The following TAS2R1 variants were observed in gnomAD, a reference collection of about 807,000 sequenced individuals.
The protein encoded by TAS2R1 is taste receptor type 2 member 1.
For synonymous variants in TAS2R1, 141 were observed against 134.2 expected (o/e 1.05, Z -0.35); for missense variants, 370 against 353.4 (o/e 1.05, Z -0.38).
chr5:9,651,178 G>A (rs888532023), intron 2 of TAS2R1, among the ~76,000 whole-genome samples: 4 of 152,170 alleles, frequency 2.6e-5, no homozygotes, highest in Admixed American at 2.6e-4. Context: ...GCTCCTTTCA[G>A]ACAGATGCTC....
chr5:9,634,362 A>G (rs1271308250), upstream of TAS2R1, among the ~76,000 whole-genome samples: 2 of 152,170 alleles, frequency 1.3e-5, no homozygotes, highest in African/African-American at 2.4e-5. Flanking sequence ...CATAGTTTGA[A>G]GTCAGGTTAT....
upstream of TAS2R1, among the ~76,000 whole-genome samples, chr5:9,715,968 G>A (rs73037667): frequency 0.013 from 1,980 of 152,240 alleles, 45 homozygotes; most frequent in African/African-American, 0.045. Context: ...ATGTTATTTC[G>A]GAGCCTCCAA....
chr5:9,853,811 G>A, the TAS2R1 span, among the ~76,000 whole-genome samples: 496 of 152,222 alleles, frequency 3.3e-3, 5 homozygotes, highest in African/African-American at 0.011. Context: ...AATGACAGAG[G>A]ATCACAACAA....
chr5:9,728,510 A>G, the TAS2R1 span, among the ~76,000 whole-genome samples: 1 of 152,256 alleles, frequency 6.6e-6, no homozygotes, highest in Non-Finnish European at 1.5e-5. Context: ...AGAAAGGGTC[A>G]GGACTCATTT....
chr5:9,808,107 A>T, the TAS2R1 span, among the ~76,000 whole-genome samples: 2 of 152,156 alleles, frequency 1.3e-5, no homozygotes, highest in Non-Finnish European at 2.9e-5. Flanking sequence ...TGAAAGGACT[A>T]CTAAAGGGGA....
At position 9,708,318 on chromosome 5, in the gene TAS2R1, G is replaced by A. The variant is rs574555297; in HGVS notation, c.-242+3854C>T. Reference sequence around the variant, plus strand: ...GTAAGAATCCTTGAGGTGCTGTGCCGCAGAGCAGATTCAATTTTGTTCACT... The same window carrying A: ...GTAAGAATCCTTGAGGTGCTGTGCCACAGAGCAGATTCAATTTTGTTCACT... On this transcript the variant is annotated intron_variant, in intron 1 of 2. Transcript: ENST00000506620. Among the ~76,000 whole-genome samples the A allele has an allele frequency of 7.9e-5, 12 of 152,262 alleles. No homozygotes were observed. In the South Asian group the frequency reaches 1.0e-3, roughly 13 times the overall value.
At chr5:9,749,314 A>C in the TAS2R1 span, among the ~76,000 whole-genome samples, 2 of 152,178 alleles carry the variant, frequency 1.3e-5, no homozygotes, top group Non-Finnish European at 2.9e-5. Context: ...TGTAGACCTT[A>C]AATGCTGAGG....
chr5:9,884,470 A>G, the TAS2R1 span, among the ~76,000 whole-genome samples: 4 of 88,656 alleles, frequency 4.5e-5, no homozygotes, highest in Non-Finnish European at 7.3e-5. Flanking sequence ...TGAGACTCTG[A>G]CTTAAAAAAA....
At chr5:9,699,179 T>C (rs571490701) in intron 1 of TAS2R1, among the ~76,000 whole-genome samples, 1 of 152,346 alleles carries the variant, frequency 6.6e-6, no homozygotes, top group East Asian at 1.9e-4. Context: ...GTTCTCACAG[T>C]TGCCTGCAAA....
chr5:9,686,408 T>TTAGTC (rs1741124983), intron 1 of TAS2R1, among the ~76,000 whole-genome samples: 1 of 152,142 alleles, frequency 6.6e-6, no homozygotes, highest in Admixed American at 6.5e-5. Flanking sequence ...TCTCAGGGAG[T>TTAGTC]TAGTCACCAG....
chr5:9,832,378 C>G, the TAS2R1 span, among the ~76,000 whole-genome samples: 2 of 152,160 alleles, frequency 1.3e-5, no homozygotes, highest in African/African-American at 4.8e-5. Context: ...AGACTCATGG[C>G]TGAACATAGG....
chr5:9,677,273 G>A (rs555490741), intron 1 of TAS2R1, among the ~76,000 whole-genome samples: 1 of 152,220 alleles, frequency 6.6e-6, no homozygotes, highest in South Asian at 2.1e-4. Flanking sequence ...AGGGTGGGAG[G>A]AGGGAGAGGA....
chr5:9,794,957 T>G, the TAS2R1 span, among the ~76,000 whole-genome samples: 2 of 152,338 alleles, frequency 1.3e-5, no homozygotes, highest in Admixed American at 1.3e-4. Flanking sequence ...AAAGAATAAC[T>G]GTACATATTC....
At chr5:9,830,211 A>ATGGATG in the TAS2R1 span, among the ~76,000 whole-genome samples, 48 of 67,424 alleles carry the variant, frequency 7.1e-4, no homozygotes, top group Admixed American at 5.2e-3. Context: ...ATGGATGGAT[A>ATGGATG]GACAGATAGA....
the TAS2R1 span, among the ~76,000 whole-genome samples, chr5:9,753,071 G>A: frequency 3.3e-5 from 5 of 152,120 alleles, no homozygotes; most frequent in African/African-American, 7.2e-5. Flanking sequence ...CCCAGTAATG[G>A]GATGGCTGGG....
At chr5:9,814,999 G>T in the TAS2R1 span, among the ~76,000 whole-genome samples, 2 of 152,182 alleles carry the variant, frequency 1.3e-5, no homozygotes, top group African/African-American at 2.4e-5. Flanking sequence ...TTCACATGGC[G>T]TGTCGGAGAA....
At chr5:9,643,730 A>G (rs1740130920) in intron 2 of TAS2R1, among the ~76,000 whole-genome samples, 1 of 152,172 alleles carries the variant, frequency 6.6e-6, no homozygotes, top group African/African-American at 2.4e-5. Context: ...TATATGGTGC[A>G]CGACTGTAGT....
chr5:9,701,084 C>T (rs149135681), intron 1 of TAS2R1, among the ~76,000 whole-genome samples: 22 of 152,152 alleles, frequency 1.4e-4, no homozygotes, highest in Non-Finnish European at 2.5e-4. Flanking sequence ...AGGTGAACCC[C>T]GCTGGCAAAT....
At chr5:9,750,298 C>A in the TAS2R1 span, among the ~76,000 whole-genome samples, 7 of 152,252 alleles carry the variant, frequency 4.6e-5, no homozygotes, top group South Asian at 1.5e-3. Context: ...TGCTGTAAGA[C>A]CTCCCCAGAG....
Sources: gnomAD v4.1 joint callset for allele counts (sites outside exome capture counted in the v4.1 genomes callset) on GRCh38, gnomAD v4.1.1 for gene constraint, MANE v1.5 for transcripts, NCBI Gene and HGNC (gene_info 2026-07-23, HGNC 2026-07-21) for gene names.